MAML3: variants seen among roughly 807,000 people sequenced by gnomAD.
MAML3 encodes the protein mastermind like transcriptional coactivator 3, also known as mastermind-like protein 3.
MAML3 carries 27 observed loss-of-function variants against 101.9 expected under a neutral mutation model. The ratio of observed to expected loss-of-function variants is 0.27; its 90% CI spans 0.20 to 0.37. The LOEUF (loss-of-function observed/expected upper bound fraction) is 0.37, where lower values mean the gene tolerates loss of function less well. Among genes scored for constraint, MAML3 ranks in the 10% least tolerant of loss-of-function variants. MAML3 has a pLI of 1.00. For missense variants in MAML3, 1,316 were observed against 1,444.9 expected (o/e 0.91, Z 1.45); for synonymous variants, 501 against 555.9 (o/e 0.90, Z 1.39).
chr4:140,084,030 A>C (rs1389041314), intron 1 of MAML3, among the ~76,000 whole-genome samples: 1 of 150,798 alleles, frequency 6.6e-6, no homozygotes, highest in Non-Finnish European at 1.5e-5. Flanking sequence ...CCCTCCTGCC[A>C]GCAGAGAATG....
intron 2 of MAML3, among the ~76,000 whole-genome samples, chr4:139,777,487 A>G (rs947768147): frequency 1.3e-5 from 2 of 152,108 alleles, no homozygotes; most frequent in East Asian, 3.9e-4. Flanking sequence ...GGAACCTTAT[A>G]TTCTCCTTCA....
chr4:139,814,122 A>T (rs1021980743), intron 2 of MAML3, among the ~76,000 whole-genome samples: 1 of 152,082 alleles, frequency 6.6e-6, no homozygotes, highest in Non-Finnish European at 1.5e-5. Context: ...GAGGAAGCGT[A>T]TCTGAGAGGC....
rs576186001 is a variant in MAML3 at position 140,154,107 on chromosome 4, T to TCGC, written c.-783_-781dup. On this transcript the variant is annotated 5_prime_UTR_variant, in exon 1 of 5. Coordinates refer to ENST00000509479, the MANE Select transcript of MAML3 (RefSeq NM_018717.5). Reference sequence around the variant, plus strand: ...TGCCACCATCACAATGATCAACTGCTCGCCGCCGCCGCCGCCGCCGCCTCC... The same window carrying TCGC: ...TGCCACCATCACAATGATCAACTGCTCGCCGCCGCCGCCGCCGCCGCCGCCTCC... 0.094 allele frequency: 16,704 copies of TCGC among 177,994 alleles called. 1,161 individuals are homozygous for TCGC. Among genetic ancestry groups the TCGC allele is most frequent in the East Asian group, 0.26 (1,517 of 5,840 alleles). The allele number at this position is 177,994 out of a possible 1,614,324, so 11.0% of individuals were successfully genotyped here.
chr4:139,954,154 T>G (rs1427114183), intron 1 of MAML3, among the ~76,000 whole-genome samples: 1 of 152,224 alleles, frequency 6.6e-6, no homozygotes, highest in Admixed American at 6.5e-5. Flanking sequence ...GTTGCTTCAC[T>G]TTCATATTTT....
chr4:139,951,818 T>A lies in MAML3; in HGVS notation c.469-60851A>T, dbSNP rs145315266. On this transcript the variant is annotated intron_variant, in intron 1 of 4. Coordinates refer to ENST00000509479, the MANE Select transcript of MAML3 (RefSeq NM_018717.5). ...AAATTTCTGGGTAGCAAGTCTAGTA[T>A]TAAGGGGGGCCAAGGGGTGAAGAAG... Among the ~76,000 whole-genome samples, 1,245 of 151,658 alleles carry A rather than the reference T, an allele frequency of 8.2e-3. 25 individuals are homozygous for A. The highest frequency in any genetic ancestry group is 0.029 in the African/African-American group (1,190 of 41,320).
chr4:139,967,026 A>G (rs747478264), intron 1 of MAML3, among the ~76,000 whole-genome samples: 1 of 152,254 alleles, frequency 6.6e-6, no homozygotes, highest in Non-Finnish European at 1.5e-5. Flanking sequence ...AAGAATATTC[A>G]TGCCATTTTT....
chr4:139,836,827 G>T (rs950040663), intron 2 of MAML3, among the ~76,000 whole-genome samples: 1 of 152,116 alleles, frequency 6.6e-6, no homozygotes, highest in Admixed American at 6.5e-5. Context: ...ATTTGCTAAA[G>T]AATTACTACC....
chr4:139,908,428 G>A (rs1037178089), intron 1 of MAML3, among the ~76,000 whole-genome samples: 3 of 152,176 alleles, frequency 2.0e-5, no homozygotes, highest in Non-Finnish European at 4.4e-5. Context: ...TACAATAAAA[G>A]CTTACTGTGT....
chr4:139,982,181 G>A, intron 1 of MAML3, among the ~76,000 whole-genome samples: 1 of 152,140 alleles, frequency 6.6e-6, no homozygotes. Flanking sequence ...ATTTATACCA[G>A]TATAGATTCA....
rs184561419 is a variant in MAML3, at chr4:140,105,698, G to A, written c.468+47162C>T. ...ATTAATAAGTGAGCATGTAACTCTG[G>A]GAAGTTGCCTGTGGGGGACATGGAG... On this transcript the variant is annotated intron_variant, in intron 1 of 4. Coordinates refer to ENST00000509479, the MANE Select transcript of MAML3 (RefSeq NM_018717.5). Among the ~76,000 whole-genome samples, 457 of 152,166 alleles carry A rather than the reference G, an allele frequency of 3.0e-3. 1 individual carries two copies. The highest frequency in any genetic ancestry group is 5.8e-3 in the Non-Finnish European group (392 of 67,998).
chr4:139,850,101 T>TC (rs1056625289), intron 2 of MAML3, among the ~76,000 whole-genome samples: 1 of 151,652 alleles, frequency 6.6e-6, no homozygotes, highest in African/African-American at 2.4e-5. Flanking sequence ...TCAGTATATT[T>TC]CCCCCCCTAC....
chr4:139,937,286 T>C (rs1733525487), intron 1 of MAML3, among the ~76,000 whole-genome samples: 1 of 152,180 alleles, frequency 6.6e-6, no homozygotes, highest in Admixed American at 6.5e-5. Context: ...TTTCATAGAT[T>C]CAATGCACAA....
intron 2 of MAML3, among the ~76,000 whole-genome samples, chr4:139,856,775 TCAA>T (rs1415655967): frequency 1.3e-5 from 2 of 152,186 alleles, no homozygotes; most frequent in Non-Finnish European, 2.9e-5. Context: ...AGAAAGTACA[TCAA>T]CAAGTATAAT....
intron 2 of MAML3, among the ~76,000 whole-genome samples, chr4:139,751,168 T>G (rs1205075234): frequency 2.0e-5 from 3 of 152,232 alleles, no homozygotes; most frequent in African/African-American, 7.2e-5. Context: ...ATCTCTCCCA[T>G]GTCCCTGTCT....
intron 2 of MAML3, among the ~76,000 whole-genome samples, chr4:139,742,954 T>C (rs1729213062): frequency 6.6e-6 from 1 of 152,184 alleles, no homozygotes; most frequent in Non-Finnish European, 1.5e-5. Context: ...AGCACCAGTT[T>C]CCTAATTTCT....
rs547640756 is a variant in MAML3 at position 139,834,256 on chromosome 4, A to C, written c.2079+55101T>G. Among the ~76,000 whole-genome samples, 42 of 152,348 alleles carry C rather than the reference A, an allele frequency of 2.8e-4. No individual in the cohort carries two copies. The South Asian group carries it at 8.7e-3, about 32-fold the overall frequency. On this transcript the variant is annotated intron_variant, in intron 2 of 4. Transcript: ENST00000509479. Reference sequence around the variant, plus strand: ...ATCTATACTAGACACAACTGATGATATAGTGGTGTGCTACTGTGGTTAAAC... The same window carrying C: ...ATCTATACTAGACACAACTGATGATCTAGTGGTGTGCTACTGTGGTTAAAC...
chr4:139,886,950 G>A (rs556204006), intron 2 of MAML3, among the ~76,000 whole-genome samples: 5 of 152,062 alleles, frequency 3.3e-5, no homozygotes, highest in South Asian at 2.1e-4. Flanking sequence ...TGAAATAAAC[G>A]TGCCTAAAAG....
intron 2 of MAML3, among the ~76,000 whole-genome samples, chr4:139,758,231 G>A (rs984534193): frequency 1.1e-4 from 16 of 152,186 alleles, no homozygotes; most frequent in South Asian, 8.3e-4. Flanking sequence ...TGGGAGAGAG[G>A]CGTCTGCATT....
At chr4:140,140,500 CT>C (rs1382034837) in intron 1 of MAML3, among the ~76,000 whole-genome samples, 1 of 152,094 alleles carries the variant, frequency 6.6e-6, no homozygotes, top group Non-Finnish European at 1.5e-5. Flanking sequence ...AGGAAGCCCC[CT>C]TTCCTAAAGC....
Sources: allele counts gnomAD v4.1 joint callset (sites outside exome capture counted in the v4.1 genomes callset), GRCh38; gene constraint gnomAD v4.1.1; transcripts MANE v1.5; gene names NCBI Gene and HGNC (gene_info 2026-07-23, HGNC 2026-07-21).